The following GPC5 variants were observed in gnomAD, a reference collection of about 807,000 sequenced individuals.
GPC5 encodes glypican 5.
In GPC5, 47 loss-of-function variants were observed where a neutral mutation model predicts 53.9. That is an observed-to-expected ratio of 0.87 (90% CI 0.69 to 1.11). GPC5 has a LOEUF of 1.11. Ranked by LOEUF, GPC5 falls within the 50% of genes most tolerant of loss-of-function variation. The pLI is 0.00. For synonymous variants in GPC5, 286 were observed against 263.3 expected, an observed-to-expected ratio of 1.09 and a Z score of -0.84; for missense variants, 748 against 713.1, an observed-to-expected ratio of 1.05 and a Z score of -0.56.
At chr13:92,656,824 T>A (rs544242408) in intron 7 of GPC5, among the ~76,000 whole-genome samples, 1 of 152,186 alleles carries the variant, frequency 6.6e-6, no homozygotes. Context: ...CATGGTGGCA[T>A]GCATCCATAA....
intron 7 of GPC5, among the ~76,000 whole-genome samples, chr13:92,169,401 G>A (rs7327079): frequency 0.025 from 3,847 of 152,250 alleles, 153 homozygotes; most frequent in African/African-American, 0.087. Flanking sequence ...AAAAATTCAC[G>A]TTTCCCATGA....
chr13:92,059,668 A>T (rs2041106158), intron 6 of GPC5, among the ~76,000 whole-genome samples: 1 of 151,938 alleles, frequency 6.6e-6, no homozygotes, highest in Non-Finnish European at 1.5e-5. Flanking sequence ...GCCAAGATTG[A>T]CTTTTAAGAT....
intron 7 of GPC5, among the ~76,000 whole-genome samples, chr13:92,399,755 G>A (rs9516073): frequency 0.3 from 45,017 of 151,996 alleles, 7,224 homozygotes; most frequent in Non-Finnish European, 0.36. Context: ...AGACTTATTC[G>A]TGTCTATCGT....
At chr13:92,190,594 A>T (rs2042216477) in intron 7 of GPC5, among the ~76,000 whole-genome samples, 2 of 152,160 alleles carry the variant, frequency 1.3e-5, no homozygotes, top group African/African-American at 2.4e-5. Flanking sequence ...AATTAGGAAG[A>T]TTTTGTTATA....
At chr13:92,235,787 T>C (rs1433403195) in intron 7 of GPC5, among the ~76,000 whole-genome samples, 1 of 152,134 alleles carries the variant, frequency 6.6e-6, no homozygotes, top group African/African-American at 2.4e-5. Context: ...TTTATGGCTT[T>C]ATTAAAAATA....
At chr13:91,647,416 A>C (rs2034588215) in intron 2 of GPC5, among the ~76,000 whole-genome samples, 1 of 152,202 alleles carries the variant, frequency 6.6e-6, no homozygotes, top group East Asian at 1.9e-4. Flanking sequence ...TTAGATTTAC[A>C]TTCTATGTGT....
At chr13:92,266,176 G>T (rs9589471) in intron 7 of GPC5, among the ~76,000 whole-genome samples, 52,155 of 151,900 alleles carry the variant, frequency 0.34, 9,623 homozygotes, top group African/African-American at 0.48. Context: ...GCATAACTGG[G>T]TTCTTCTCAC....
chr13:92,478,753 G>A (rs1205653654), intron 7 of GPC5, among the ~76,000 whole-genome samples: 2 of 152,148 alleles, frequency 1.3e-5, no homozygotes, highest in East Asian at 1.9e-4. Context: ...GAGTCCCACC[G>A]CAGGGCTTGA....
chr13:92,383,888 A>G (rs1384169024), intron 7 of GPC5, among the ~76,000 whole-genome samples: 3 of 152,284 alleles, frequency 2.0e-5, no homozygotes, highest in African/African-American at 7.2e-5. Context: ...GTCAGAATAT[A>G]AACACTTTTC....
chr13:92,519,608 C>T (rs1880946473), intron 7 of GPC5, among the ~76,000 whole-genome samples: 2 of 152,170 alleles, frequency 1.3e-5, no homozygotes, highest in African/African-American at 2.4e-5. Context: ...ATACCAGAAT[C>T]TCTGGGGCAC....
chr13:91,963,640 G>T (rs1030136942), intron 6 of GPC5, among the ~76,000 whole-genome samples: 1 of 152,090 alleles, frequency 6.6e-6, no homozygotes, highest in Non-Finnish European at 1.5e-5. Context: ...TGTACAAAAT[G>T]CACAGTTTGC....
intron 2 of GPC5, among the ~76,000 whole-genome samples, chr13:91,606,049 G>T (rs1195996310): frequency 1.0e-5 from 1 of 98,926 alleles, no homozygotes; most frequent in Non-Finnish European, 2.0e-5. Flanking sequence ...CAAAGGGAAT[G>T]CTTCCAGTTT....
At position 92,840,078 on chromosome 13, in the gene GPC5, C is replaced by CATATATAT. The variant is rs4001881; in HGVS notation, c.1562-26165_1562-26158dup. 3.2e-3 allele frequency among the ~76,000 whole-genome samples: 316 copies of CATATATAT among 98,844 alleles called. 2 individuals carry two copies. Among genetic ancestry groups the CATATATAT allele is most frequent in the Non-Finnish European group, 4.7e-3 (230 of 48,652 alleles). The allele number at this position is 98,844 out of a possible 152,430, so 64.8% of individuals were successfully genotyped here. A position where few individuals can be genotyped will look rare whatever the true frequency, so the allele number is the denominator to read the frequency against. On this transcript the variant is annotated intron_variant, in intron 7 of 7. Coordinates refer to ENST00000377067, the MANE Select transcript of GPC5 (RefSeq NM_004466.6). ...TGCTTTTATTCTTCATATATACATA[C>CATATATAT]ATATATATATATATATATATATATA... is the stretch of plus-strand genomic sequence containing the variant.
intron 6 of GPC5, among the ~76,000 whole-genome samples, chr13:92,083,343 G>C (rs561205786): frequency 6.6e-6 from 1 of 152,168 alleles, no homozygotes; most frequent in Non-Finnish European, 1.5e-5. Flanking sequence ...AAAAGGCAGT[G>C]GGGGAGTGGT....
chr13:92,333,444 A>G (rs916741600), intron 7 of GPC5, among the ~76,000 whole-genome samples: 6 of 152,172 alleles, frequency 3.9e-5, no homozygotes, highest in Non-Finnish European at 7.3e-5. Flanking sequence ...AGGGAAATAC[A>G]GAATCTCAGC....
intron 6 of GPC5, among the ~76,000 whole-genome samples, chr13:91,939,498 G>A (rs1310911900): frequency 6.6e-6 from 1 of 152,106 alleles, no homozygotes; most frequent in African/African-American, 2.4e-5. Context: ...ACCACTGTAA[G>A]CATCTCACAA....
chr13:91,507,809 C>T (rs1221710086), intron 2 of GPC5, among the ~76,000 whole-genome samples: 2 of 152,148 alleles, frequency 1.3e-5, no homozygotes, highest in Non-Finnish European at 1.5e-5. Context: ...TGAGTCAGCA[C>T]TCATATTCCA....
At chr13:91,584,946 G>GA (rs1354314300) in intron 2 of GPC5, among the ~76,000 whole-genome samples, 2 of 152,090 alleles carry the variant, frequency 1.3e-5, no homozygotes, top group Admixed American at 1.3e-4. Flanking sequence ...AATAGGAGTG[G>GA]ATGTTTGCAA....
At chr13:92,119,399 T>TTG (rs1345060302) in intron 6 of GPC5, among the ~76,000 whole-genome samples, 2 of 124,596 alleles carry the variant, frequency 1.6e-5, no homozygotes, top group African/African-American at 3.1e-5. Flanking sequence ...AGTTTTTTTT[T>TTG]TTTTTTTTTT....
Sources: gnomAD v4.1 joint callset for allele counts (sites outside exome capture counted in the v4.1 genomes callset) on GRCh38, gnomAD v4.1.1 for gene constraint, MANE v1.5 for transcripts, NCBI Gene and HGNC (gene_info 2026-07-23, HGNC 2026-07-21) for gene names.